The following AGBL1 variants were observed in gnomAD, a reference collection of about 807,000 sequenced individuals.
AGBL1 encodes cytosolic carboxypeptidase 4.
A neutral mutation model predicts 118.9 loss-of-function variants in AGBL1; 130 were observed. The ratio of observed to expected loss-of-function variants is 1.09; its 90% CI spans 0.95 to 1.26. The LOEUF (loss-of-function observed/expected upper bound fraction) is 1.26, where lower values mean the gene tolerates loss of function less well. Among genes scored for constraint, AGBL1 ranks in the 50% most tolerant of loss-of-function variants. The probability of loss-of-function intolerance (pLI) is 0.00; values close to 1 mark genes in which losing one functional copy is unlikely to be tolerated. For synonymous variants in AGBL1, 555 were observed against 478.9 expected (o/e 1.16, Z -2.08); for missense variants, 1,584 against 1,298.1 (o/e 1.22, Z -3.38).
chr15:86,359,528 C>A (rs2141917944), intron 17 of AGBL1, among the ~76,000 whole-genome samples: 1 of 149,728 alleles, frequency 6.7e-6, no homozygotes, highest in South Asian at 2.1e-4. Flanking sequence ...TATTCACAGT[C>A]TTTTGTGTTC....
At chr15:86,810,561 A>G (rs1241601006) in intron 22 of AGBL1, among the ~76,000 whole-genome samples, 1 of 152,188 alleles carries the variant, frequency 6.6e-6, no homozygotes, top group Non-Finnish European at 1.5e-5. Context: ...GGGGAATATT[A>G]TAGTCCTGGC....
chr15:86,591,072 A>G (rs1289120453), intron 21 of AGBL1, among the ~76,000 whole-genome samples: 1 of 152,134 alleles, frequency 6.6e-6, no homozygotes, highest in African/African-American at 2.4e-5. Flanking sequence ...AGTTTACTTA[A>G]TCTAGAATAC....
intron 24 of AGBL1, among the ~76,000 whole-genome samples, chr15:87,023,596 G>GA (rs2081691955): frequency 6.6e-6 from 1 of 151,914 alleles, no homozygotes; most frequent in South Asian, 2.1e-4. Context: ...ATTCAACAAA[G>GA]AAACAATGGA....
chr15:86,375,252 G>C (rs1463435238), intron 17 of AGBL1, among the ~76,000 whole-genome samples: 1 of 152,188 alleles, frequency 6.6e-6, no homozygotes, highest in Non-Finnish European at 1.5e-5. Flanking sequence ...CGGCTGGCAA[G>C]GCCTCAGGAC....
intron 5 of AGBL1, among the ~76,000 whole-genome samples, chr15:86,195,835 T>C (rs890768085): frequency 1.3e-5 from 2 of 152,234 alleles, no homozygotes; most frequent in Non-Finnish European, 2.9e-5. Flanking sequence ...TTTTGCTTTT[T>C]TATTTATTTT....
At chr15:86,951,541 T>G (rs1002828239) in intron 23 of AGBL1, among the ~76,000 whole-genome samples, 1 of 152,198 alleles carries the variant, frequency 6.6e-6, no homozygotes, top group Non-Finnish European at 1.5e-5. Context: ...CATATAATGT[T>G]GAGTGAAAGG....
chr15:86,903,744 G>T (rs1339208741), intron 22 of AGBL1, among the ~76,000 whole-genome samples: 1 of 152,136 alleles, frequency 6.6e-6, no homozygotes, highest in African/African-American at 2.4e-5. Flanking sequence ...GTGGGGAGGG[G>T]CTCCTTGCTA....
At chr15:86,620,005 T>C (rs1185516994) in intron 21 of AGBL1, among the ~76,000 whole-genome samples, 3 of 152,166 alleles carry the variant, frequency 2.0e-5, no homozygotes, top group Non-Finnish European at 4.4e-5. Context: ...GACTCACTAG[T>C]GTTAGCCACA....
intron 22 of AGBL1, among the ~76,000 whole-genome samples, chr15:86,762,555 C>T (rs2078041732): frequency 6.6e-6 from 1 of 151,892 alleles, no homozygotes; most frequent in Admixed American, 6.6e-5. Flanking sequence ...GAATTTATTA[C>T]TCCTTACTAT....
At chr15:86,198,337 T>G (rs2077848783) in intron 5 of AGBL1, among the ~76,000 whole-genome samples, 2 of 152,210 alleles carry the variant, frequency 1.3e-5, no homozygotes, top group South Asian at 4.1e-4. Flanking sequence ...ACAATTGTAT[T>G]CGACCGTACT....
chr15:86,356,885 G>C (rs74027518), intron 17 of AGBL1, among the ~76,000 whole-genome samples: 1 of 152,118 alleles, frequency 6.6e-6, no homozygotes, highest in Non-Finnish European at 1.5e-5. Context: ...TACCAGAATT[G>C]TCCAACATTA....
chr15:86,443,188 G>A (rs775356099), intron 18 of AGBL1, among the ~76,000 whole-genome samples: 5 of 152,258 alleles, frequency 3.3e-5, no homozygotes, highest in East Asian at 3.9e-4. Context: ...ACCATCTGCC[G>A]CAGGGCACCA....
At chr15:86,216,538 T>C (rs1567133000) in intron 5 of AGBL1, among the ~76,000 whole-genome samples, 1 of 152,322 alleles carries the variant, frequency 6.6e-6, no homozygotes, top group East Asian at 1.9e-4. Flanking sequence ...AAATTCTTTA[T>C]TCTGTTATTA....
At chr15:86,122,612 A>G (rs1011871149) in intron 1 of AGBL1, among the ~76,000 whole-genome samples, 2 of 152,216 alleles carry the variant, frequency 1.3e-5, no homozygotes, top group African/African-American at 4.8e-5. Context: ...ATCTAATTAA[A>G]AAAAATCAGA....
chr15:86,798,695 C>T (rs1261757441), intron 22 of AGBL1, among the ~76,000 whole-genome samples: 2 of 150,280 alleles, frequency 1.3e-5, no homozygotes, highest in African/African-American at 2.5e-5. Context: ...GTTAATACTA[C>T]ATACATGCTG....
rs149543217 is a variant in AGBL1, at chr15:86,669,759, T to C, written c.2995-4514T>C. On this transcript the variant is annotated intron_variant, in intron 21 of 22. Transcript: ENST00000614907. ...ATTTCTGAAATATGTGGATATTTTCTTGATGAGATTATAGAGCCCCGTCTC... is the reference window on the plus strand; with the variant it reads ...ATTTCTGAAATATGTGGATATTTTCCTGATGAGATTATAGAGCCCCGTCTC... Among the ~76,000 whole-genome samples, 472 of 152,286 alleles carry C rather than the reference T, an allele frequency of 3.1e-3. 1 individual carries two copies. Among genetic ancestry groups the C allele is most frequent in the African/African-American group, 0.011 (442 of 41,556 alleles).
intron 22 of AGBL1, among the ~76,000 whole-genome samples, chr15:86,803,156 G>C (rs982666292): frequency 2.0e-5 from 3 of 152,032 alleles, no homozygotes; most frequent in Non-Finnish European, 4.4e-5. Flanking sequence ...CTGTGTCTCC[G>C]CTGAAATCTT....
intron 22 of AGBL1, among the ~76,000 whole-genome samples, chr15:86,794,050 A>T (rs1436000937): frequency 1.3e-5 from 2 of 152,232 alleles, no homozygotes; most frequent in African/African-American, 4.8e-5. Context: ...GCAGTTCCTC[A>T]AACAGTTAAA....
intron 22 of AGBL1, among the ~76,000 whole-genome samples, chr15:86,770,210 A>G (rs1478100320): frequency 6.6e-6 from 1 of 151,984 alleles, no homozygotes; most frequent in Non-Finnish European, 1.5e-5. Context: ...TAGTTAGTTT[A>G]TAGAGATGAA....
Sources: allele counts gnomAD v4.1 joint callset (sites outside exome capture counted in the v4.1 genomes callset), GRCh38; gene constraint gnomAD v4.1.1; transcripts MANE v1.5; gene names NCBI Gene and HGNC (gene_info 2026-07-23, HGNC 2026-07-21).